SHC4: variants seen among roughly 807,000 people sequenced by gnomAD.
The protein encoded by SHC4 is SHC-transforming protein 4.
Under a neutral mutation model 69.4 loss-of-function variants are expected in SHC4, and 41 were observed. The ratio of observed to expected loss-of-function variants is 0.59; its 90% confidence interval spans 0.46 to 0.77. The LOEUF (loss-of-function observed/expected upper bound fraction) is 0.77. SHC4 is among the 30% of genes least tolerant of loss of function. The pLI is 0.00. For missense variants in SHC4, 777 were observed against 783.8 expected, an observed-to-expected ratio of 0.99 and a Z score of 0.10; for synonymous variants, 318 against 299.3, an observed-to-expected ratio of 1.06 and a Z score of -0.64.
intron 6 of SHC4, among the ~76,000 whole-genome samples, chr15:48,867,562 T>C (rs1216855312): frequency 6.6e-6 from 1 of 152,226 alleles, no homozygotes; most frequent in African/African-American, 2.4e-5. Context: ...ATCATAACCA[T>C]AATAGCTTCT....
chr15:48,830,403 C>T (rs1239407790), intron 11 of SHC4, among the ~76,000 whole-genome samples: 1 of 152,160 alleles, frequency 6.6e-6, no homozygotes, highest in African/African-American at 2.4e-5. Flanking sequence ...TTTATAGTTA[C>T]ATAGTTATTG....
Position 48,843,391 on chromosome 15 carries a change from C to G in SHC4, c.1483+18G>C. On this transcript the variant is annotated intron_variant, in intron 10 of 11. Transcript: ENST00000332408. ...AACAGCCCTAAGAAATGAATACAGA[C>G]AGTGAGTAGCTACTTACTTCCGCAG... The G allele has an allele frequency of 6.3e-7, 1 of 1,588,878 alleles. No homozygotes were observed.
intron 2 of SHC4, among the ~76,000 whole-genome samples, chr15:48,920,046 G>A (rs1291323160): frequency 7.0e-6 from 1 of 143,322 alleles, no homozygotes; most frequent in Non-Finnish European, 1.5e-5. Flanking sequence ...ACGGAGTCTT[G>A]CTCTGTCACC....
At chr15:48,913,235 T>C (rs956087926) in intron 2 of SHC4, among the ~76,000 whole-genome samples, 1 of 152,038 alleles carries the variant, frequency 6.6e-6, no homozygotes, top group Non-Finnish European at 1.5e-5. Context: ...GCTAGGCATG[T>C]CTGAGCTCTG....
intron 4 of SHC4, among the ~76,000 whole-genome samples, chr15:48,882,225 A>C (rs774618012): frequency 5.5e-4 from 84 of 152,224 alleles, no homozygotes; most frequent in Non-Finnish European, 3.2e-4. Context: ...AGGCCTCTAC[A>C]GTGGCACATC....
intron 11 of SHC4, among the ~76,000 whole-genome samples, chr15:48,834,400 T>C (rs2140966950): frequency 6.6e-6 from 1 of 152,356 alleles, no homozygotes; most frequent in South Asian, 2.1e-4. Flanking sequence ...CATTCAGCTT[T>C]ATATTATAAT....
intron 4 of SHC4, chr15:48,878,146 G>C: frequency 6.6e-7 from 1 of 1,519,430 alleles, no homozygotes; most frequent in Non-Finnish European, 8.8e-7. Context: ...CTTGCTGGAA[G>C]CTTTTTCCTA....
At chr15:48,864,534 G>A (rs948095082) in intron 6 of SHC4, among the ~76,000 whole-genome samples, 4 of 125,392 alleles carry the variant, frequency 3.2e-5, no homozygotes, top group East Asian at 5.6e-4. Flanking sequence ...TGCAAGCTCC[G>A]CCTCCCGGGT....
intron 10 of SHC4, among the ~76,000 whole-genome samples, chr15:48,840,461 G>A (rs767476319): frequency 1.3e-5 from 2 of 152,144 alleles, no homozygotes; most frequent in South Asian, 2.1e-4. Flanking sequence ...ATTTGTTTTT[G>A]TTTGGTTTGG....
chr15:48,853,583 A>G (rs1483145645), intron 8 of SHC4, among the ~76,000 whole-genome samples: 1 of 152,226 alleles, frequency 6.6e-6, no homozygotes, highest in African/African-American at 2.4e-5. Context: ...ATCTGACTTC[A>G]AGCTACACTA....
chr15:48,887,753 G>C (rs1595746183), intron 3 of SHC4, among the ~76,000 whole-genome samples: 2 of 152,110 alleles, frequency 1.3e-5, no homozygotes, highest in African/African-American at 4.8e-5. Flanking sequence ...CAAACCTTTA[G>C]CTAGATGAAC....
chr15:48,834,790 GAGA>G lies in SHC4; in HGVS notation c.1713_1715del (p.Leu573del), dbSNP rs776318261. 6 of 1,614,088 alleles carry G rather than the reference GAGA, an allele frequency of 3.7e-6. No individual in the cohort carries two copies. The Admixed American group carries it at 5.0e-5, about 13-fold the overall frequency. ...ATACCTTGCCTTCAGGATCCACCAGGAGAAGATGTTTTGCTTGGCCTCCCTGTA... is the reference window on the plus strand; with the variant it reads ...ATACCTTGCCTTCAGGATCCACCAGGAGATGTTTTGCTTGGCCTCCCTGTA... On this transcript the variant is annotated inframe_deletion, in exon 11 of 12. Transcript: ENST00000332408.
At chr15:48,899,434 A>C (rs7176301) in intron 2 of SHC4, among the ~76,000 whole-genome samples, 23,029 of 152,116 alleles carry the variant, frequency 0.15, 1,949 homozygotes, top group African/African-American at 0.21. Context: ...CCATTGCACT[A>C]CAACCTGGGT....
chr15:48,835,168 T>A, intron 10 of SHC4, 146 bp from the exon 11 acceptor site: 1 of 1,127,986 alleles, frequency 8.9e-7, no homozygotes, highest in Non-Finnish European at 1.2e-6. Context: ...CAAATGAGGT[T>A]TTTGTTTTCA....
chr15:48,908,979 T>C (rs1900460011), intron 2 of SHC4, among the ~76,000 whole-genome samples: 1 of 152,206 alleles, frequency 6.6e-6, no homozygotes, highest in Non-Finnish European at 1.5e-5. Context: ...AATCAAGTAA[T>C]GTGATGCCTC....
chr15:48,951,979 A>G (rs1176696321), intron 1 of SHC4, among the ~76,000 whole-genome samples: 1 of 152,130 alleles, frequency 6.6e-6, no homozygotes, highest in Non-Finnish European at 1.5e-5. Context: ...AGGAGATGTG[A>G]AATTTAGTCT....
intron 4 of SHC4, among the ~76,000 whole-genome samples, chr15:48,873,191 T>C (rs1189663736): frequency 2.6e-5 from 4 of 152,110 alleles, no homozygotes. Flanking sequence ...ACAAAGAATA[T>C]ACTGCATGGC....
At chr15:48,854,182 GA>G (rs1899267842) in intron 8 of SHC4, among the ~76,000 whole-genome samples, 1 of 152,146 alleles carries the variant, frequency 6.6e-6, no homozygotes, top group Admixed American at 6.5e-5. Flanking sequence ...TTTCTCAAAA[GA>G]ACACATACAA....
chr15:48,869,206 G>A (rs1052272146), intron 5 of SHC4, among the ~76,000 whole-genome samples: 2 of 152,212 alleles, frequency 1.3e-5, no homozygotes, highest in Admixed American at 6.5e-5. Flanking sequence ...CACTTTTTAA[G>A]TGGAGAAAGT....
Sources: allele counts gnomAD v4.1 joint callset (sites outside exome capture counted in the v4.1 genomes callset), GRCh38; gene constraint gnomAD v4.1.1; transcripts MANE v1.5; gene names NCBI Gene and HGNC (gene_info 2026-07-23, HGNC 2026-07-21).